Variants in CYP7B1 observed in about 807,000 individuals in gnomAD.
CYP7B1 encodes cytochrome P450 family 7 subfamily B member 1.
In CYP7B1, 29 loss-of-function variants were observed where a neutral mutation model predicts 42.7. The ratio of observed to expected loss-of-function variants is 0.68; its 90% CI spans 0.51 to 0.93. CYP7B1 has a LOEUF of 0.93. Among genes scored for constraint, CYP7B1 ranks in the 40% least tolerant of loss-of-function variants. CYP7B1 has a pLI of 0.00. For synonymous variants in CYP7B1, 235 were observed against 218.2 expected, an observed-to-expected ratio of 1.08 and a Z score of -0.68; for missense variants, 655 against 600.5, an observed-to-expected ratio of 1.09 and a Z score of -0.95.
At chr8:64,770,079 C>T (rs1227508745) in intron 1 of CYP7B1, among the ~76,000 whole-genome samples, 1 of 151,936 alleles carries the variant, frequency 6.6e-6, no homozygotes, top group Non-Finnish European at 1.5e-5. Flanking sequence ...TCAGTTTCAC[C>T]ACAATGCATC....
intron 1 of CYP7B1, among the ~76,000 whole-genome samples, chr8:64,695,200 C>T (rs994102842): frequency 4.6e-5 from 7 of 152,116 alleles, no homozygotes; most frequent in African/African-American, 9.7e-5. Flanking sequence ...CATTTATAAA[C>T]CGGCTCTGTG....
At chr8:64,766,388 G>A (rs571748982) in intron 1 of CYP7B1, among the ~76,000 whole-genome samples, 13 of 152,128 alleles carry the variant, frequency 8.5e-5, no homozygotes, top group Non-Finnish European at 1.6e-4. Flanking sequence ...GTCAGTTGCC[G>A]ACATTAGAAA....
At chr8:64,719,652 C>T (rs1317030302) in intron 1 of CYP7B1, among the ~76,000 whole-genome samples, 1 of 152,184 alleles carries the variant, frequency 6.6e-6, no homozygotes, top group Non-Finnish European at 1.5e-5. Flanking sequence ...ACCATAAGGG[C>T]CCATACACTT....
intron 1 of CYP7B1, among the ~76,000 whole-genome samples, chr8:64,715,751 C>T (rs918750314): frequency 3.3e-5 from 5 of 152,160 alleles, no homozygotes; most frequent in Non-Finnish European, 1.5e-5. Context: ...AGGAGAAAGA[C>T]CTCTACAGCA....
chr8:64,633,576 G>A (rs1287248895), intron 1 of CYP7B1, among the ~76,000 whole-genome samples: 1 of 152,060 alleles, frequency 6.6e-6, no homozygotes, highest in African/African-American at 2.4e-5. Flanking sequence ...AACAAAATAT[G>A]TATAAAATCT....
At chr8:64,644,759 C>A (rs1341349431) in intron 1 of CYP7B1, among the ~76,000 whole-genome samples, 1 of 151,962 alleles carries the variant, frequency 6.6e-6, no homozygotes, top group Non-Finnish European at 1.5e-5. Context: ...TTTCCACATT[C>A]TTTTATTATT....
intron 1 of CYP7B1, among the ~76,000 whole-genome samples, chr8:64,789,552 T>C (rs1459019622): frequency 6.6e-6 from 1 of 152,208 alleles, no homozygotes; most frequent in East Asian, 1.9e-4. Context: ...GCCCTCCACT[T>C]CTTCAATGCA....
intron 1 of CYP7B1, among the ~76,000 whole-genome samples, chr8:64,771,946 T>C (rs1804241334): frequency 6.6e-6 from 1 of 152,228 alleles, no homozygotes; most frequent in South Asian, 2.1e-4. Context: ...CCATATTCCC[T>C]ACTCCATTCA....
intron 1 of CYP7B1, among the ~76,000 whole-genome samples, chr8:64,674,373 G>A (rs117777299): frequency 1.3e-5 from 2 of 152,190 alleles, no homozygotes; most frequent in African/African-American, 2.4e-5. Context: ...ACACTTTACT[G>A]TAGAGGGGGA....
chr8:64,658,059 T>C (rs894876527), intron 1 of CYP7B1, among the ~76,000 whole-genome samples: 4 of 152,178 alleles, frequency 2.6e-5, no homozygotes, highest in African/African-American at 9.6e-5. Flanking sequence ...CCAAGCTTCC[T>C]GGGGTCTCTT....
rs1230294691 is a variant in CYP7B1, at chr8:64,594,511, T to C, written c.*2131A>G. Among the ~76,000 whole-genome samples the C allele has an allele frequency of 6.6e-6, 1 of 152,064 alleles. No individual in the cohort carries two copies. On this transcript the variant is annotated 3_prime_UTR_variant, in exon 6 of 6. Coordinates refer to ENST00000310193, the MANE Select transcript of CYP7B1 (RefSeq NM_004820.5). ...GATATGCATCAAACACATTAGAATATTTGCCTATGATATTAGGAAGGGGTA... is the reference window on the plus strand; with the variant it reads ...GATATGCATCAAACACATTAGAATACTTGCCTATGATATTAGGAAGGGGTA...
chr8:64,614,918 G>A (rs1805410667), intron 4 of CYP7B1, 108 bp downstream of exon 4: 3 of 1,007,860 alleles, frequency 3.0e-6, no homozygotes, highest in Admixed American at 3.7e-5. Flanking sequence ...GTGTTATTAT[G>A]TCAATTAGGC....
intron 1 of CYP7B1, among the ~76,000 whole-genome samples, chr8:64,644,661 A>G (rs1055609471): frequency 1.4e-4 from 22 of 152,296 alleles, no homozygotes; most frequent in African/African-American, 5.3e-4. Context: ...AGGTCTCAAC[A>G]ATGAACTTAA....
chr8:64,636,581 C>A (rs931432482), intron 1 of CYP7B1, among the ~76,000 whole-genome samples: 2 of 152,050 alleles, frequency 1.3e-5, no homozygotes, highest in Non-Finnish European at 2.9e-5. Context: ...AAGATTTTTT[C>A]ATTCACTTGA....
chr8:64,627,309 A>T (rs1805622972), intron 1 of CYP7B1, among the ~76,000 whole-genome samples: 1 of 152,238 alleles, frequency 6.6e-6, no homozygotes, highest in Non-Finnish European at 1.5e-5. Flanking sequence ...ATATCCAAAG[A>T]TTGAACAAGA....
intron 1 of CYP7B1, among the ~76,000 whole-genome samples, chr8:64,739,252 G>A (rs531167378): frequency 6.6e-6 from 1 of 152,296 alleles, no homozygotes; most frequent in East Asian, 1.9e-4. Context: ...AAAAGACTGA[G>A]ATTTAATCAT....
downstream of CYP7B1, among the ~76,000 whole-genome samples, chr8:64,588,796 A>G (rs1805000281): frequency 6.6e-6 from 1 of 152,206 alleles, no homozygotes; most frequent in Non-Finnish European, 1.5e-5. Flanking sequence ...TGCCAGGCTG[A>G]CTGAGTCGGT....
intron 1 of CYP7B1, among the ~76,000 whole-genome samples, chr8:64,734,887 T>C (rs1224199076): frequency 1.3e-5 from 2 of 152,352 alleles, no homozygotes; most frequent in East Asian, 1.9e-4. Context: ...GTCACTATTA[T>C]AACTCATTTG....
chr8:64,677,438 CAAAAAAAAAA>C (rs148821778), intron 1 of CYP7B1, among the ~76,000 whole-genome samples: 297 of 87,284 alleles, frequency 3.4e-3, no homozygotes, highest in African/African-American at 9.0e-3. Context: ...ATTTAGGAGC[CAAAAAAAAAA>C]AAAAAAAAAA....
Sources: gnomAD v4.1 joint callset for allele counts (sites outside exome capture counted in the v4.1 genomes callset) on GRCh38, gnomAD v4.1.1 for gene constraint, MANE v1.5 for transcripts, NCBI Gene and HGNC (gene_info 2026-07-23, HGNC 2026-07-21) for gene names.